ZC3H12C: variants seen among roughly 807,000 people sequenced by gnomAD.
The protein encoded by ZC3H12C is probable ribonuclease ZC3H12C.
In ZC3H12C, 20 loss-of-function variants were observed where a neutral mutation model predicts 76.3. The observed-to-expected ratio is 0.26, with a 90% confidence interval of 0.18 to 0.38. ZC3H12C has a LOEUF of 0.38. Ranked by LOEUF, ZC3H12C falls within the 10% of genes least tolerant of loss-of-function variation. The probability of loss-of-function intolerance (pLI) is 1.00; values close to 1 mark genes in which losing one functional copy is unlikely to be tolerated. For missense variants in ZC3H12C, 874 were observed against 1,086.5 expected (o/e 0.80, Z 2.75); for synonymous variants, 352 against 399.6 (o/e 0.88, Z 1.42).
At chr11:110,109,213 G>C (rs1030073350) in intron 1 of ZC3H12C, among the ~76,000 whole-genome samples, 5 of 152,194 alleles carry the variant, frequency 3.3e-5, no homozygotes, top group Non-Finnish European at 7.4e-5. Flanking sequence ...GGAATTGTTA[G>C]ATGCTTTGAG....
chr11:110,149,213 C>T (rs1460269035), intron 2 of ZC3H12C, among the ~76,000 whole-genome samples: 6 of 152,154 alleles, frequency 3.9e-5, no homozygotes, highest in African/African-American at 9.7e-5. Context: ...ATTTTGGGGC[C>T]TCATCAGGGG....
chr11:110,093,449 G>C lies in ZC3H12C; in HGVS notation c.21+17G>C, dbSNP rs1350189796. 4.5e-5 allele frequency: 54 copies of C among 1,205,778 alleles called. No individual in the cohort carries two copies. The highest frequency in any genetic ancestry group is 9.3e-6 in the Non-Finnish European group (9 of 966,598). 74.7% of individuals were successfully genotyped at this position (1,205,778 alleles called of 1,614,324 possible). On this transcript the variant is annotated intron_variant, in intron 1 of 5. Coordinates refer to ENST00000278590, the MANE Select transcript of ZC3H12C (RefSeq NM_033390.2). Reference sequence around the variant, plus strand: ...GGCTCCCAGGTTTGTCCTCGGGAAGGGGGTGGGGGACGCGGACCGCGGCGA... The same window carrying C: ...GGCTCCCAGGTTTGTCCTCGGGAAGCGGGTGGGGGACGCGGACCGCGGCGA...
chr11:110,160,442 C>T (rs1021349784), intron 4 of ZC3H12C, among the ~76,000 whole-genome samples: 5 of 152,066 alleles, frequency 3.3e-5, no homozygotes, highest in African/African-American at 1.2e-4. Context: ...TAGCTTAAAA[C>T]ATTGTACAAC....
At position 110,164,948 on chromosome 11, in the gene ZC3H12C, C is replaced by T. The variant is rs1565270756; in HGVS notation, c.1863C>T (p.Ser621=). Residue 621 remains serine, a synonymous_variant, in exon 6 of 6, where the codon TCC becomes TCT. Coordinates refer to ENST00000278590, the MANE Select transcript of ZC3H12C (RefSeq NM_033390.2). This position sits in a 1 kb window ranked among gnomAD's most constrained non-coding sequence, Gnocchi z 5.7. ...TAGACACAGATTATAGAATAAGTTC[C>T]GTAGCTTCTGACTGCAGCAGTGAAG... ...FSLDTDYRIS[S]VASDCSSEGS... is the part of the protein sequence containing the mutation. 6 of 1,613,990 alleles carry T rather than the reference C, an allele frequency of 3.7e-6. No homozygotes were observed. Among genetic ancestry groups the T allele is most frequent in the Non-Finnish European group, 4.2e-6 (5 of 1,179,890 alleles).
At chr11:110,116,565 T>C (rs569822811) in intron 1 of ZC3H12C, among the ~76,000 whole-genome samples, 3 of 152,180 alleles carry the variant, frequency 2.0e-5, no homozygotes, top group Admixed American at 6.5e-5. Flanking sequence ...TATTCTTCTG[T>C]GTTACTAAGG....
Position 110,164,446 on chromosome 11 carries a change from C to A in ZC3H12C, c.1361C>A (p.Thr454Lys), listed in dbSNP as rs769365245. 2 of 1,613,986 alleles carry A rather than the reference C, an allele frequency of 1.2e-6. No individual in the cohort carries two copies. The highest frequency in any genetic ancestry group is 2.2e-5 in the East Asian group (1 of 44,886). ...ADELRAMSRN[T>K]AAKTANEGGL... The stretch of plus-strand genomic sequence containing the variant: ...GAACTCCGTGCCATGTCTAGAAATA[C>A]GGCAGCCAAAACTGCAAACGAAGGA... Residue 454 changes from threonine (T) to lysine (K), a missense_variant, in exon 6 of 6, where the codon ACG becomes AAG. By Grantham distance (78) the Thr-to-Lys change is moderately conservative. Around this residue, in one of 3 missense-constraint regions of ZC3H12C, gnomAD observed 269 missense variants for 424.9 expected, o/e 0.63. Transcript: ENST00000278590. The surrounding 1 kb of genome is among the most constrained non-coding windows in gnomAD (Gnocchi z 5.7).
At chr11:110,109,311 C>T (rs1426863000) in intron 1 of ZC3H12C, among the ~76,000 whole-genome samples, 1 of 152,188 alleles carries the variant, frequency 6.6e-6, no homozygotes, top group South Asian at 2.1e-4. Context: ...ATAAAGCTCT[C>T]ATTCCTTCCA....
chr11:110,144,738 T>C (rs960966817), intron 2 of ZC3H12C, among the ~76,000 whole-genome samples: 12 of 152,144 alleles, frequency 7.9e-5, no homozygotes, highest in African/African-American at 2.9e-4. Flanking sequence ...TTTGAGGAAA[T>C]AAAAAGATAA....
rs1862664000 is a variant in ZC3H12C at position 110,170,805 on chromosome 11, T to A, written c.*5068T>A. 6.6e-6 allele frequency: 1 copy of A among 152,244 alleles called. No homozygotes were observed. The highest frequency in any genetic ancestry group is 1.5e-5 in the Non-Finnish European group (1 of 68,038). 9.4% of individuals were successfully genotyped at this position (152,244 alleles called of 1,614,324 possible). A position where few individuals can be genotyped will look rare whatever the true frequency, so the allele number is the denominator to read the frequency against. ...ATCATCCACTTAAATAGTTAAACTT[T>A]CTTTTAAAATTGGAATGCAACTGTA... On this transcript the variant is annotated 3_prime_UTR_variant, in exon 6 of 6. Coordinates refer to ENST00000278590, the MANE Select transcript of ZC3H12C (RefSeq NM_033390.2).
In ZC3H12C at chr11:110,126,842, T is replaced by C. The variant is rs76202897; in HGVS notation, c.22-9821T>C. ...TAATGAATAAATACACTAATATTAATGTACTTTTTCTACCCCATATTAATA... is the reference window on the plus strand; with the variant it reads ...TAATGAATAAATACACTAATATTAACGTACTTTTTCTACCCCATATTAATA... On this transcript the variant is annotated intron_variant, in intron 1 of 5. Transcript: ENST00000278590. Among the ~76,000 whole-genome samples the C allele has an allele frequency of 3.0e-3, 462 of 152,340 alleles. 1 individual carries two copies. The highest frequency in any genetic ancestry group is 0.01 in the African/African-American group (435 of 41,588).
intron 1 of ZC3H12C, among the ~76,000 whole-genome samples, chr11:110,119,418 G>A (rs976517462): frequency 1.3e-5 from 2 of 152,066 alleles, no homozygotes; most frequent in African/African-American, 2.4e-5. Context: ...CCTTCAAGAC[G>A]CTTATATGAT....
At chr11:110,127,543 G>T (rs969437500) in intron 1 of ZC3H12C, among the ~76,000 whole-genome samples, 1 of 151,990 alleles carries the variant, frequency 6.6e-6, no homozygotes, top group Admixed American at 6.6e-5. Context: ...ACGTTTTGGG[G>T]ACAGTTGGGA....
intron 1 of ZC3H12C, chr11:110,124,348 C>G (rs1027251314): frequency 2.1e-5 from 3 of 141,842 alleles, no homozygotes; most frequent in African/African-American, 7.9e-5. Flanking sequence ...TTGCAGGGGT[C>G]TATTTTTTTT....
chr11:110,171,760 T>C lies in ZC3H12C; in HGVS notation c.*6023T>C, dbSNP rs1862684745. The C allele has an allele frequency of 6.6e-6, 1 of 152,224 alleles. No homozygotes were observed. The allele number at this position is 152,224 out of a possible 1,614,324, so 9.4% of individuals were successfully genotyped here. A position where few individuals can be genotyped will look rare whatever the true frequency, so the allele number is the denominator to read the frequency against. On this transcript the variant is annotated 3_prime_UTR_variant, in exon 6 of 6. Coordinates refer to ENST00000278590, the MANE Select transcript of ZC3H12C (RefSeq NM_033390.2). ...ATGAGCATTGTGTAAGATAAACACA[T>C]GGTCAGTATCAATGTAAATGTTAGA...
At chr11:110,114,780 A>C (rs1004037881) in intron 1 of ZC3H12C, among the ~76,000 whole-genome samples, 1 of 152,230 alleles carries the variant, frequency 6.6e-6, no homozygotes, top group African/African-American at 2.4e-5. Flanking sequence ...ACTGTCAATA[A>C]AATAAACTCC....
At position 110,171,742 on chromosome 11, in the gene ZC3H12C, T is replaced by C. The variant is rs959051075; in HGVS notation, c.*6005T>C. 8 of 152,256 alleles carry C rather than the reference T, an allele frequency of 5.3e-5. No individual in the cohort carries two copies. The highest frequency in any genetic ancestry group is 3.8e-4 in the East Asian group (2 of 5,206). 9.4% of individuals were successfully genotyped at this position (152,256 alleles called of 1,614,324 possible). On this transcript the variant is annotated 3_prime_UTR_variant, in exon 6 of 6. Transcript: ENST00000278590. ...CATTCAGTGGCTAACATTATGAGCA[T>C]TGTGTAAGATAAACACATGGTCAGT...
chr11:110,120,914 A>G (rs1441525790), intron 1 of ZC3H12C, among the ~76,000 whole-genome samples: 1 of 152,208 alleles, frequency 6.6e-6, no homozygotes, highest in Non-Finnish European at 1.5e-5. Flanking sequence ...GTATTTAGCT[A>G]ATCTTCAATA....
intron 2 of ZC3H12C, among the ~76,000 whole-genome samples, chr11:110,140,371 GTGTT>G (rs778218063): frequency 1.6e-4 from 25 of 152,190 alleles, no homozygotes; most frequent in Non-Finnish European, 2.5e-4. Context: ...GTACCTAAAA[GTGTT>G]TGAGTTCTTC....
intron 1 of ZC3H12C, among the ~76,000 whole-genome samples, chr11:110,134,035 T>C (rs745432366): frequency 6.6e-6 from 1 of 152,212 alleles, no homozygotes; most frequent in African/African-American, 2.4e-5. Context: ...AACTGCTCAA[T>C]ATTAAATAAT....
Sources: gnomAD v4.1 joint callset for allele counts (sites outside exome capture counted in the v4.1 genomes callset) on GRCh38, gnomAD v4.1.1 for gene constraint, gnomAD v4.1.1 regional missense constraint, Gnocchi (gnomAD v3.1) non-coding constraint, MANE v1.5 for transcripts, NCBI Gene and HGNC (gene_info 2026-07-23, HGNC 2026-07-21) for gene names.